PTPRN2: variants seen among roughly 807,000 people sequenced by gnomAD.
The protein encoded by PTPRN2 is receptor-type tyrosine-protein phosphatase N2.
Under a neutral mutation model 118.8 loss-of-function variants are expected in PTPRN2, and 74 were observed. The observed-to-expected ratio is 0.62, with a 90% CI of 0.52 to 0.76. The LOEUF (loss-of-function observed/expected upper bound fraction) is 0.76, where lower values mean the gene tolerates loss of function less well. PTPRN2 is among the 30% of genes least tolerant of loss of function. The probability of loss-of-function intolerance (pLI) is 0.00; values close to 1 mark genes in which losing one functional copy is unlikely to be tolerated. For missense variants in PTPRN2, 1,481 were observed against 1,394.4 expected (o/e 1.06, Z -0.99); for synonymous variants, 641 against 608.0 (o/e 1.05, Z -0.80).
In PTPRN2 at chr7:157,929,242, C is replaced by T. The variant is rs1799218519; in HGVS notation, c.1724-30505G>A. On this transcript the variant is annotated intron_variant, in intron 11 of 22. Coordinates refer to ENST00000389418, the MANE Select transcript of PTPRN2 (RefSeq NM_002847.5). This position sits in a 1 kb window ranked among gnomAD's most constrained non-coding sequence, Gnocchi z 4.4. ...TGACCCCCTCCCCATAACCCACAGC[C>T]CCTCTTCCCCAGTACGCCGTGGCAG... Among the ~76,000 whole-genome samples, 2 of 152,238 alleles carry T rather than the reference C, an allele frequency of 1.3e-5. No individual in the cohort carries two copies. Among genetic ancestry groups the T allele is most frequent in the South Asian group, 4.1e-4 (2 of 4,820 alleles).
Position 157,794,034 on chromosome 7 carries a change from A to G in PTPRN2, c.1788+104639T>C, listed in dbSNP as rs1804694944. 6.6e-6 allele frequency among the ~76,000 whole-genome samples: 1 copy of G among 152,044 alleles called. No homozygotes were observed. On this transcript the variant is annotated intron_variant, in intron 12 of 22. Coordinates refer to ENST00000389418, the MANE Select transcript of PTPRN2 (RefSeq NM_002847.5). The surrounding 1 kb of genome is among the most constrained non-coding windows in gnomAD (Gnocchi z 5.2). ...CAGGCCACCTTCGGGCCTCGGCAGC[A>G]CACCTCGAGGGGCCCAGGACAAGCT...
chr7:158,566,881 A>C (rs1415094493), intron 1 of PTPRN2, among the ~76,000 whole-genome samples: 4 of 151,980 alleles, frequency 2.6e-5, no homozygotes, highest in Non-Finnish European at 4.4e-5. Flanking sequence ...ACACCAAGCA[A>C]ATTTTTGTAT....
chr7:158,407,249 CGTCCTGGGTCCTGGGTCCTGGGTCCTGG>C (rs1813605123), intron 2 of PTPRN2, among the ~76,000 whole-genome samples: 4 of 20,918 alleles, frequency 1.9e-4, no homozygotes, highest in African/African-American at 6.6e-4. Context: ...CTGGGTCCTG[CGTCCTGGGTCCTGGGTCCTGGGTCCTGG>C]GTCCTGGGTC....
Position 158,110,919 on chromosome 7 carries a change from C to A in PTPRN2, c.1557-4G>T. The A allele has an allele frequency of 1.3e-6, 2 of 1,554,578 alleles. No individual in the cohort carries two copies. Among genetic ancestry groups the A allele is most frequent in the Non-Finnish European group, 1.7e-6 (2 of 1,151,810 alleles). On this transcript the variant is annotated splice_polypyrimidine_tract_variant and splice_region_variant and intron_variant, in intron 9 of 22. Transcript: ENST00000389418. ...TCCTTCCTCGGGGCGCAGGGGGCTG[C>A]GGATGACAGCAGGGATGGGGAGCAG... is the stretch of plus-strand genomic sequence containing the variant.
At chr7:158,097,895 CA>C (rs1159215692) in intron 10 of PTPRN2, among the ~76,000 whole-genome samples, 1 of 152,232 alleles carries the variant, frequency 6.6e-6, no homozygotes, top group Non-Finnish European at 1.5e-5. Context: ...ACAGCTTGCG[CA>C]TCCTGTCCGC....
chr7:158,363,181 G>A (rs945482854), intron 2 of PTPRN2, among the ~76,000 whole-genome samples: 7 of 152,198 alleles, frequency 4.6e-5, no homozygotes, highest in African/African-American at 1.4e-4. Context: ...CCACCAGAGA[G>A]GCAAGGGGAG....
chr7:158,577,916 CT>C (rs758967975), intron 1 of PTPRN2, among the ~76,000 whole-genome samples: 3 of 152,196 alleles, frequency 2.0e-5, no homozygotes, highest in Non-Finnish European at 4.4e-5. Flanking sequence ...CCACCTCCCT[CT>C]CCCCTTGCCA....
chr7:158,309,393 G>A (rs1362073130), intron 3 of PTPRN2, among the ~76,000 whole-genome samples: 3 of 95,408 alleles, frequency 3.1e-5, no homozygotes, highest in South Asian at 7.2e-4. Flanking sequence ...TCGAACCTCG[G>A]ACCTCAAGTT....
At chr7:157,625,538 G>A (rs896464330) in intron 14 of PTPRN2, among the ~76,000 whole-genome samples, 3 of 152,164 alleles carry the variant, frequency 2.0e-5, no homozygotes, top group African/African-American at 7.2e-5. Flanking sequence ...TGAGGATGCA[G>A]AGGCATAAGA....
At chr7:157,873,456 C>A (rs181741821) in intron 12 of PTPRN2, among the ~76,000 whole-genome samples, 1 of 151,824 alleles carries the variant, frequency 6.6e-6, no homozygotes, top group African/African-American at 2.4e-5. Flanking sequence ...TCCGTCTCGC[C>A]GTGGGGGCCG....
chr7:158,304,391 G>A (rs376463682), intron 3 of PTPRN2, among the ~76,000 whole-genome samples: 51 of 141,588 alleles, frequency 3.6e-4, no homozygotes, highest in East Asian at 3.0e-3. Flanking sequence ...TAAGACATCC[G>A]TCAATATGCT....
chr7:157,662,163 C>T (rs1795922091), intron 13 of PTPRN2, among the ~76,000 whole-genome samples: 1 of 152,182 alleles, frequency 6.6e-6, no homozygotes, highest in African/African-American at 2.4e-5. Context: ...CTGTGTGCCT[C>T]AGTTTCCCCA....
chr7:157,631,314 G>T (rs1803924192), intron 14 of PTPRN2, among the ~76,000 whole-genome samples: 1 of 152,224 alleles, frequency 6.6e-6, no homozygotes, highest in East Asian at 1.9e-4. Context: ...GCAGCGGCAG[G>T]AACAAAGCGT....
At chr7:158,470,456 C>T (rs571398889) in intron 2 of PTPRN2, among the ~76,000 whole-genome samples, 98 of 152,296 alleles carry the variant, frequency 6.4e-4, no homozygotes, top group Middle Eastern at 3.4e-3. Flanking sequence ...AAGGTTCACG[C>T]GAGGATGCTC....
In PTPRN2 at chr7:157,610,054, A is replaced by T. The variant is rs1037590645; in HGVS notation, c.2345-5979T>A. 3.3e-5 allele frequency among the ~76,000 whole-genome samples: 5 copies of T among 152,132 alleles called. No individual in the cohort carries two copies. The highest frequency in any genetic ancestry group is 2.1e-4 in the South Asian group (1 of 4,826). ...CCCGGAACATCGTCTTGCTACACAGATCCCTGAGGACGGCATTCCCCCAGG... is the reference window on the plus strand; with the variant it reads ...CCCGGAACATCGTCTTGCTACACAGTTCCCTGAGGACGGCATTCCCCCAGG... On this transcript the variant is annotated intron_variant, in intron 15 of 22. Transcript: ENST00000389418. This position sits in a 1 kb window ranked among gnomAD's most constrained non-coding sequence, Gnocchi z 5.1.
chr7:158,253,858 A>G, intron 3 of PTPRN2, among the ~76,000 whole-genome samples: 2 of 151,828 alleles, frequency 1.3e-5, no homozygotes, highest in East Asian at 1.9e-4. Context: ...GAGCAGAGGA[A>G]GCATCCCTGT....
chr7:157,818,531 C>T (rs1030584253), intron 12 of PTPRN2, among the ~76,000 whole-genome samples: 1 of 146,168 alleles, frequency 6.8e-6, no homozygotes, highest in African/African-American at 2.8e-5. Flanking sequence ...AGGGCGTGGC[C>T]TGAGCCAAGG....
intron 2 of PTPRN2, among the ~76,000 whole-genome samples, chr7:158,442,423 A>G (rs1002294436): frequency 2.6e-5 from 4 of 152,124 alleles, no homozygotes; most frequent in Admixed American, 6.5e-5. Context: ...AAACACTGCA[A>G]CCTACCTTTT....
At chr7:158,564,058 G>C (rs146757684) in intron 1 of PTPRN2, among the ~76,000 whole-genome samples, 4 of 152,138 alleles carry the variant, frequency 2.6e-5, no homozygotes, top group South Asian at 2.1e-4. Flanking sequence ...CAGCACTTGC[G>C]GGGGGCACAG....
Sources: gnomAD v4.1 joint callset for allele counts (sites outside exome capture counted in the v4.1 genomes callset) on GRCh38, gnomAD v4.1.1 for gene constraint, Gnocchi (gnomAD v3.1) non-coding constraint, MANE v1.5 for transcripts, NCBI Gene and HGNC (gene_info 2026-07-23, HGNC 2026-07-21) for gene names.